The following CLMP variants were observed in gnomAD, a reference collection of about 807,000 sequenced individuals.
CLMP encodes CXADR-like membrane protein.
In CLMP, 27 loss-of-function variants were observed where a neutral mutation model predicts 45.2. The observed-to-expected ratio is 0.60, with a 90% CI of 0.44 to 0.82. The LOEUF is 0.82. CLMP is among the 40% of genes least tolerant of loss of function. CLMP has a pLI of 0.00. For synonymous variants in CLMP, 167 were observed against 171.4 expected, an observed-to-expected ratio of 0.97 and a Z score of 0.20; for missense variants, 403 against 448.4, an observed-to-expected ratio of 0.90 and a Z score of 0.91.
intron 1 of CLMP, among the ~76,000 whole-genome samples, chr11:123,124,016 A>G (rs1331935281): frequency 1.3e-5 from 2 of 152,138 alleles, no homozygotes; most frequent in Non-Finnish European, 2.9e-5. Context: ...GGAAAGAGAA[A>G]AGGAGCAGTG....
intron 1 of CLMP, among the ~76,000 whole-genome samples, chr11:123,165,659 A>G (rs7933163): frequency 0.27 from 40,680 of 152,006 alleles, 8,522 homozygotes; most frequent in African/African-American, 0.59. Context: ...CATTATTTTC[A>G]GTTTCCTGAC....
At chr11:123,142,788 G>A (rs968879470) in intron 1 of CLMP, among the ~76,000 whole-genome samples, 32 of 146,520 alleles carry the variant, frequency 2.2e-4, no homozygotes, top group Admixed American at 1.2e-3. Context: ...CACTGCGCCC[G>A]GCTAATTTTT....
intron 1 of CLMP, among the ~76,000 whole-genome samples, chr11:123,138,114 C>G (rs960092095): frequency 6.6e-6 from 1 of 152,026 alleles, no homozygotes; most frequent in African/African-American, 2.4e-5. Flanking sequence ...GTCCCTAATT[C>G]CCTCGGATGA....
intron 1 of CLMP, among the ~76,000 whole-genome samples, chr11:123,130,460 G>A (rs1010904262): frequency 1.8e-4 from 27 of 152,184 alleles, no homozygotes; most frequent in Non-Finnish European, 1.2e-4. Context: ...TGCAAATTAA[G>A]AAAAATGGTA....
At position 123,084,537 on chromosome 11, in the gene CLMP, C is replaced by T. The variant is rs1409578415; in HGVS notation, c.363G>A (p.Trp121Ter). ...CKVKNSGRYV[W>*]SHVILKVLVR... ...CTAAGACTTTTAAGATGACATGGCT[C>T]CACACGTAGCGCCCTGAATTCTTAA... The change falls in exon 3 of 7, where the codon TGG (tryptophan) becomes TGA (stop). Residue 121 changes from tryptophan (W) to a stop codon, truncating the protein, a stop_gained. Transcript: ENST00000448775. LOFTEE classifies it high-confidence loss of function. The T allele has an allele frequency of 5.6e-6, 9 of 1,614,122 alleles. No individual in the cohort carries two copies. The highest frequency in any genetic ancestry group is 7.6e-6 in the Non-Finnish European group (9 of 1,180,002).
At chr11:123,109,755 G>C (rs1860612771) in intron 1 of CLMP, among the ~76,000 whole-genome samples, 1 of 152,212 alleles carries the variant, frequency 6.6e-6, no homozygotes, top group African/African-American at 2.4e-5. Flanking sequence ...TTGACCACCA[G>C]TATGATGTGG....
At chr11:123,123,815 G>C (rs1289461431) in intron 1 of CLMP, among the ~76,000 whole-genome samples, 1 of 152,154 alleles carries the variant, frequency 6.6e-6, no homozygotes, top group Admixed American at 6.5e-5. Context: ...AATACTTTAA[G>C]ACAGCACAAA....
chr11:123,121,286 T>A (rs1427834519), intron 1 of CLMP, among the ~76,000 whole-genome samples: 2 of 150,712 alleles, frequency 1.3e-5, no homozygotes, highest in African/African-American at 5.0e-5. Context: ...AAATTCTTGT[T>A]TTTGTTTTGT....
intron 1 of CLMP, among the ~76,000 whole-genome samples, chr11:123,172,123 T>A (rs1364133239): frequency 6.6e-6 from 1 of 152,136 alleles, no homozygotes; most frequent in Non-Finnish European, 1.5e-5. Flanking sequence ...TATAGATTCA[T>A]GAATCCTAAT....
intron 5 of CLMP, among the ~76,000 whole-genome samples, chr11:123,080,053 G>T (rs761022550): frequency 2.6e-5 from 4 of 152,194 alleles, no homozygotes; most frequent in African/African-American, 9.7e-5. Context: ...CATTCACATG[G>T]CTGTTGGCTG....
intron 1 of CLMP, among the ~76,000 whole-genome samples, chr11:123,124,001 G>A (rs1479616348): frequency 6.6e-6 from 1 of 152,118 alleles, no homozygotes; most frequent in Non-Finnish European, 1.5e-5. Context: ...GGGTTAGACT[G>A]CAAGGGAAAG....
At position 123,073,512 on chromosome 11, in the gene CLMP, T is replaced by G; in HGVS notation, c.1084A>C (p.Met362Leu). The change falls in exon 7 of 7, where the codon ATG (methionine) becomes CTG (leucine). Residue 362 changes from methionine (M) to leucine (L), a missense_variant. Transcript: ENST00000448775. The part of the protein sequence containing the change: ...NLTKAETTPS[M>L]IPSQSRAFQT... Reference sequence around the variant, plus strand: ...AAGGCTCTGCTCTGGCTGGGGATCATGCTGGGTGTGGTTTCTGCTTTGGTC... The same window carrying G: ...AAGGCTCTGCTCTGGCTGGGGATCAGGCTGGGTGTGGTTTCTGCTTTGGTC... The G allele has an allele frequency of 6.2e-7, 1 of 1,614,100 alleles. No individual in the cohort carries two copies. The highest frequency in any genetic ancestry group is 8.5e-7 in the Non-Finnish European group (1 of 1,180,002).
chr11:123,074,819 G>T lies in CLMP; in HGVS notation c.704C>A (p.Ala235Glu). 6.2e-7 allele frequency: 1 copy of T among 1,613,998 alleles called. No individual in the cohort carries two copies. Among genetic ancestry groups the T allele is most frequent in the Non-Finnish European group, 8.5e-7 (1 of 1,179,982 alleles). ...VQYVQSIGMVAGAVTGIVAGA... is the reference protein window; with the variant it reads ...VQYVQSIGMVEGAVTGIVAGA... ...AGCCACTATGCCTGTCACTGCTCCT[G>T]CAACCATGCCGATGCTTTGTACATC... is the stretch of plus-strand genomic sequence containing the variant. The change falls in exon 6 of 7, where the codon GCA (alanine) becomes GAA (glutamate). Residue 235 changes from alanine (A) to glutamate (E), a missense_variant. Physicochemically the swap from Ala to Glu is moderately radical, Grantham distance 107. Transcript: ENST00000448775.
intron 1 of CLMP, among the ~76,000 whole-genome samples, chr11:123,129,615 T>A (rs1860955890): frequency 7.2e-6 from 1 of 139,344 alleles, no homozygotes; most frequent in Non-Finnish European, 1.5e-5. Flanking sequence ...ATATATTATA[T>A]TTATATAATA....
intron 1 of CLMP, among the ~76,000 whole-genome samples, chr11:123,180,600 TAAAAA>T (rs11353703): frequency 7.3e-6 from 1 of 137,190 alleles, no homozygotes. Context: ...TGCATAGGAG[TAAAAA>T]AAAAAAAAAA....
intron 1 of CLMP, among the ~76,000 whole-genome samples, chr11:123,115,763 G>C (rs1002305986): frequency 2.6e-5 from 4 of 152,130 alleles, no homozygotes; most frequent in Non-Finnish European, 1.5e-5. Flanking sequence ...TATGATGGCT[G>C]TGTTCTTCTG....
At chr11:123,145,587 C>G (rs564878566) in intron 1 of CLMP, among the ~76,000 whole-genome samples, 6 of 151,908 alleles carry the variant, frequency 3.9e-5, no homozygotes, top group African/African-American at 1.4e-4. Flanking sequence ...CTCAGCTTCC[C>G]GAGTAGCTGG....
At chr11:123,136,363 G>C in intron 1 of CLMP, 2 of 558,192 alleles carry the variant, frequency 3.6e-6, no homozygotes, top group Non-Finnish European at 6.9e-6. Flanking sequence ...CATATTCTTG[G>C]GGAGCCGGGT....
chr11:123,149,057 G>C (rs574905551), intron 1 of CLMP, among the ~76,000 whole-genome samples: 2 of 152,276 alleles, frequency 1.3e-5, no homozygotes, highest in South Asian at 4.1e-4. Context: ...GATGGGCTGG[G>C]ATGTGGTGAG....
Sources: gnomAD v4.1 joint callset for allele counts (sites outside exome capture counted in the v4.1 genomes callset) on GRCh38, gnomAD v4.1.1 for gene constraint, MANE v1.5 for transcripts, NCBI Gene and HGNC (gene_info 2026-07-23, HGNC 2026-07-21) for gene names.